The following DNAJC1 variants were observed in gnomAD, a reference collection of about 807,000 sequenced individuals.
DNAJC1 encodes DnaJ heat shock protein family (Hsp40) member C1, also known as dnaJ homolog subfamily C member 1.
In DNAJC1, 58 loss-of-function variants were observed where a neutral mutation model predicts 76.6. That is an observed-to-expected ratio of 0.76 (90% CI 0.61 to 0.94). DNAJC1 has a LOEUF of 0.94. Ranked by LOEUF, DNAJC1 falls within the 40% of genes least tolerant of loss-of-function variation. DNAJC1 has a pLI of 0.00. For synonymous variants in DNAJC1, 258 were observed against 267.9 expected (o/e 0.96, Z 0.36); for missense variants, 689 against 677.3 (o/e 1.02, Z -0.19).
rs1385087217 is a variant in DNAJC1, at chr10:21,873,149, C to G, written c.978+9133G>C. ...ATCACGACCCTCTCACGTGGACCCC[C>G]TTAGAGTTGTAAGCCCTTAAAAGGG... On this transcript the variant is annotated intron_variant, in intron 8 of 11. Coordinates refer to ENST00000376980, the MANE Select transcript of DNAJC1 (RefSeq NM_022365.4). Among the ~76,000 whole-genome samples the G allele has an allele frequency of 5.3e-5, 8 of 152,184 alleles. No homozygotes were observed. In the East Asian group the frequency reaches 1.4e-3, roughly 26 times the overall value.
At chr10:21,793,179 G>A (rs1679498568) in intron 9 of DNAJC1, among the ~76,000 whole-genome samples, 2 of 152,060 alleles carry the variant, frequency 1.3e-5, no homozygotes, top group Admixed American at 1.3e-4. Context: ...GGTGGTGAAT[G>A]CCTGTAATCC....
intron 11 of DNAJC1, 86 bp downstream of exon 11, chr10:21,759,084 G>T: frequency 7.5e-7 from 1 of 1,331,674 alleles, no homozygotes; most frequent in Non-Finnish European, 1.0e-6. Flanking sequence ...AGATAGGAAT[G>T]AGGGAAGAAG....
intron 1 of DNAJC1, among the ~76,000 whole-genome samples, chr10:21,994,778 G>T (rs867508766): frequency 2.0e-5 from 3 of 151,894 alleles, no homozygotes; most frequent in Non-Finnish European, 2.9e-5. Flanking sequence ...GTGACAAAGC[G>T]AGACTCTGTC....
At chr10:21,791,847 A>G (rs1834692501) in intron 9 of DNAJC1, among the ~76,000 whole-genome samples, 1 of 152,174 alleles carries the variant, frequency 6.6e-6, no homozygotes, top group Non-Finnish European at 1.5e-5. Flanking sequence ...ACCCAAAGTT[A>G]GCAGAAAGAA....
intron 9 of DNAJC1, among the ~76,000 whole-genome samples, chr10:21,788,200 G>A (rs770157352): frequency 1.2e-4 from 19 of 152,210 alleles, no homozygotes; most frequent in Non-Finnish European, 1.9e-4. Context: ...TGTCAGCTGC[G>A]GCTGTGCTCT....
At chr10:21,973,404 G>A (rs1838011584) in intron 1 of DNAJC1, among the ~76,000 whole-genome samples, 1 of 152,152 alleles carries the variant, frequency 6.6e-6, no homozygotes. Context: ...CCAATGATTA[G>A]ATTAAAATTA....
At chr10:21,869,427 C>A (rs192617108) in intron 8 of DNAJC1, among the ~76,000 whole-genome samples, 2 of 152,186 alleles carry the variant, frequency 1.3e-5, no homozygotes, top group Non-Finnish European at 2.9e-5. Context: ...GAAGCCCCTA[C>A]TTCGAAATGT....
At chr10:21,813,112 T>C (rs530538885) in intron 8 of DNAJC1, among the ~76,000 whole-genome samples, 2 of 144,760 alleles carry the variant, frequency 1.4e-5, no homozygotes, top group Admixed American at 6.9e-5. Context: ...TATATATATA[T>C]ATATACAGCT....
chr10:21,779,309 C>T (rs1284829975), intron 9 of DNAJC1, among the ~76,000 whole-genome samples: 1 of 152,188 alleles, frequency 6.6e-6, no homozygotes, highest in Non-Finnish European at 1.5e-5. Flanking sequence ...CAAGTGAGTC[C>T]CTGACCCCCG....
intron 1 of DNAJC1, among the ~76,000 whole-genome samples, chr10:21,957,809 T>C (rs991002337): frequency 6.6e-6 from 1 of 152,218 alleles, no homozygotes. Context: ...TACTTCTCAA[T>C]ATTTTTTTAA....
intron 1 of DNAJC1, among the ~76,000 whole-genome samples, chr10:21,934,401 T>C (rs1262350957): frequency 6.6e-6 from 1 of 152,148 alleles, no homozygotes; most frequent in Non-Finnish European, 1.5e-5. Flanking sequence ...AGAGATCACA[T>C]ATTTTTAATA....
At chr10:21,921,195 T>A (rs960016530) in intron 3 of DNAJC1, among the ~76,000 whole-genome samples, 8 of 151,876 alleles carry the variant, frequency 5.3e-5, no homozygotes, top group African/African-American at 1.9e-4. Context: ...CCAGATCTCA[T>A]GTTTTTACAG....
chr10:21,867,483 A>G (rs572034261), intron 8 of DNAJC1, among the ~76,000 whole-genome samples: 1 of 152,274 alleles, frequency 6.6e-6, no homozygotes, highest in East Asian at 1.9e-4. Flanking sequence ...AGAAAGGAAT[A>G]ATACAAGGTG....
chr10:21,794,498 G>A (rs1349657511), intron 9 of DNAJC1, among the ~76,000 whole-genome samples: 1 of 151,988 alleles, frequency 6.6e-6, no homozygotes, highest in Non-Finnish European at 1.5e-5. Context: ...TAGAGTCAAT[G>A]CAAATGAACA....
At chr10:21,799,699 C>A (rs1834792021) in intron 9 of DNAJC1, among the ~76,000 whole-genome samples, 1 of 152,192 alleles carries the variant, frequency 6.6e-6, no homozygotes, top group African/African-American at 2.4e-5. Context: ...GGGTCCCTAT[C>A]ATGCCGTCCT....
chr10:21,981,666 A>G (rs1838161584), intron 1 of DNAJC1, among the ~76,000 whole-genome samples: 1 of 152,190 alleles, frequency 6.6e-6, no homozygotes, highest in Non-Finnish European at 1.5e-5. Context: ...ACATGAGATA[A>G]TATGTGTATT....
At chr10:21,792,527 T>C (rs1200620063) in intron 9 of DNAJC1, among the ~76,000 whole-genome samples, 2 of 151,628 alleles carry the variant, frequency 1.3e-5, no homozygotes, top group Non-Finnish European at 2.9e-5. Context: ...GAGGCTGAGG[T>C]GGGCGGATCA....
At chr10:21,908,924 C>T (rs888526548) in intron 6 of DNAJC1, among the ~76,000 whole-genome samples, 6 of 151,642 alleles carry the variant, frequency 4.0e-5, no homozygotes, top group Admixed American at 2.0e-4. Flanking sequence ...CTCGCTGTGT[C>T]GCCCAGGCTG....
At chr10:21,985,477 G>A (rs957600599) in intron 1 of DNAJC1, among the ~76,000 whole-genome samples, 1 of 152,124 alleles carries the variant, frequency 6.6e-6, no homozygotes, top group African/African-American at 2.4e-5. Context: ...CCGAACTCCT[G>A]ACATCAAGTG....
Sources: gnomAD v4.1 joint callset for allele counts (sites outside exome capture counted in the v4.1 genomes callset) on GRCh38, gnomAD v4.1.1 for gene constraint, MANE v1.5 for transcripts, NCBI Gene and HGNC (gene_info 2026-07-23, HGNC 2026-07-21) for gene names.